PPP1R1A: variants seen among roughly 807,000 people sequenced by gnomAD.
PPP1R1A encodes the protein protein phosphatase 1 regulatory inhibitor subunit 1A, also known as protein phosphatase 1 regulatory subunit 1A.
PPP1R1A carries 18 observed loss-of-function variants against 23.9 expected under a neutral mutation model. The ratio of observed to expected loss-of-function variants is 0.75; its 90% CI spans 0.52 to 1.12. The LOEUF (loss-of-function observed/expected upper bound fraction) is 1.12, where lower values mean the gene tolerates loss of function less well. Among genes scored for constraint, PPP1R1A ranks in the 50% most tolerant of loss-of-function variants. PPP1R1A has a pLI of 0.00. For missense variants in PPP1R1A, 207 were observed against 223.8 expected, an observed-to-expected ratio of 0.92 and a Z score of 0.48; for synonymous variants, 84 against 80.7, an observed-to-expected ratio of 1.04 and a Z score of -0.22.
intron 2 of PPP1R1A, 121 bp downstream of exon 2, chr12:54,584,139 A>G: frequency 9.9e-7 from 1 of 1,014,526 alleles, no homozygotes; most frequent in South Asian, 1.4e-5. Context: ...TCCTGCCTTC[A>G]GTACTGAGGA....
chr12:54,588,323 G>T, intron 1 of PPP1R1A, 82 bp downstream of exon 1: 1 of 1,153,298 alleles, frequency 8.7e-7, no homozygotes, highest in Non-Finnish European at 1.2e-6. Context: ...GGAGGACTAG[G>T]CAGGGATCCT....
intron 2 of PPP1R1A, among the ~76,000 whole-genome samples, chr12:54,584,007 C>A (rs1400358327): frequency 6.6e-6 from 1 of 152,210 alleles, no homozygotes; most frequent in Non-Finnish European, 1.5e-5. Flanking sequence ...GTCGCAGCAA[C>A]CAGCACTCAG....
At chr12:54,582,703 G>T (rs1421609052) in intron 4 of PPP1R1A, 29 bp downstream of exon 4, 4 of 1,609,752 alleles carry the variant, frequency 2.5e-6, no homozygotes, top group African/African-American at 1.3e-5. Context: ...GCACAGAGGA[G>T]AAAAAGGGAT....
At chr12:54,586,838 G>GC (rs1248172466) in intron 1 of PPP1R1A, among the ~76,000 whole-genome samples, 2 of 152,060 alleles carry the variant, frequency 1.3e-5, no homozygotes, top group African/African-American at 4.8e-5. Flanking sequence ...CAGGTGTCGG[G>GC]CCCTGTCTGT....
At chr12:54,582,989 C>A (rs1533235) in intron 3 of PPP1R1A, among the ~76,000 whole-genome samples, 194 bp from the exon 4 acceptor site, 1 of 151,904 alleles carries the variant, frequency 6.6e-6, no homozygotes, top group Non-Finnish European at 1.5e-5. Flanking sequence ...CCCCAACCAC[C>A]TCGACAATGG....
Position 54,580,141 on chromosome 12 carries a change from G to T in PPP1R1A, c.*246C>A. On this transcript the variant is annotated 3_prime_UTR_variant, in exon 7 of 7. Transcript: ENST00000257905. ...CTTCCCTGCTCAAGGCTTCTGCCTA[G>T]CTCCTGTTTCTTCCTTCCCAGAGGC... is the stretch of plus-strand genomic sequence containing the variant. The T allele has an allele frequency of 7.5e-7, 1 of 1,329,376 alleles. No individual in the cohort carries two copies. Among genetic ancestry groups the T allele is most frequent in the East Asian group, 3.0e-5 (1 of 32,858 alleles). 82.3% of individuals were successfully genotyped at this position (1,329,376 alleles called of 1,614,324 possible).
chr12:54,587,732 T>C (rs1145001), intron 1 of PPP1R1A, among the ~76,000 whole-genome samples: 5,154 of 152,214 alleles, frequency 0.034, 299 homozygotes, highest in African/African-American at 0.12. Flanking sequence ...CAGTCCCACC[T>C]GGACTCCCCA....
At chr12:54,580,902 C>G (rs775813887) in intron 6 of PPP1R1A, 42 bp downstream of exon 6, 22 of 1,477,902 alleles carry the variant, frequency 1.5e-5, no homozygotes, top group Non-Finnish European at 1.9e-5. Flanking sequence ...ACAATATTAG[C>G]CTCCTCTCCT....
At chr12:54,583,349 C>T in intron 2 of PPP1R1A, 101 bp from the exon 3 acceptor site, 3 of 1,154,966 alleles carry the variant, frequency 2.6e-6, no homozygotes, top group African/African-American at 1.6e-5. Context: ...CATGCTCCTC[C>T]TGATCTGTCC....
chr12:54,588,390 C>G lies in PPP1R1A; in HGVS notation c.84+15G>C. ...TGGCTGGGCGAGTGCCCTGCCGCCC[C>G]GCCCTGCTCCGCACCTGCTCCGCCG... is the stretch of plus-strand genomic sequence containing the variant. On this transcript the variant is annotated intron_variant, in intron 1 of 6. Coordinates refer to ENST00000257905, the MANE Select transcript of PPP1R1A (RefSeq NM_006741.4). The G allele has an allele frequency of 6.7e-7, 1 of 1,492,988 alleles. No individual in the cohort carries two copies. The highest frequency in any genetic ancestry group is 2.2e-5 in the Admixed American group (1 of 45,366). 92.5% of individuals were successfully genotyped at this position (1,492,988 alleles called of 1,614,324 possible).
intron 1 of PPP1R1A, among the ~76,000 whole-genome samples, chr12:54,585,193 C>T (rs959710536): frequency 6.6e-6 from 1 of 152,206 alleles, no homozygotes; most frequent in African/African-American, 2.4e-5. Flanking sequence ...GGATACATTG[C>T]CTTTCTGATT....
chr12:54,588,256 A>AGGC, intron 1 of PPP1R1A, 149 bp downstream of exon 1: 1 of 180,666 alleles, frequency 5.5e-6, no homozygotes, highest in East Asian at 9.7e-5. Flanking sequence ...GGGACAGAAG[A>AGGC]CCCCCCCCCG....
At chr12:54,583,008 G>A (rs976776806) in intron 3 of PPP1R1A, among the ~76,000 whole-genome samples, 3 of 152,166 alleles carry the variant, frequency 2.0e-5, no homozygotes, top group African/African-American at 7.2e-5. Context: ...GGTGAGCAAG[G>A]AGACTGTGAG....
At chr12:54,584,144 T>C (rs556968853) in intron 2 of PPP1R1A, 116 bp downstream of exon 2, 10 of 1,069,360 alleles carry the variant, frequency 9.4e-6, no homozygotes, top group African/African-American at 7.9e-5. Flanking sequence ...CCTTCAGTAC[T>C]GAGGACATCC....
At position 54,579,876 on chromosome 12, in the gene PPP1R1A, TC is replaced by T; in HGVS notation, c.*510del. ...CATGGGCCAAGTGCCATGGTGCAGT[TC>T]CCCTTTTGTCCAGCAGATGGAGCCC... On this transcript the variant is annotated 3_prime_UTR_variant, in exon 7 of 7. Coordinates refer to ENST00000257905, the MANE Select transcript of PPP1R1A (RefSeq NM_006741.4). 3 of 986,188 alleles carry T rather than the reference TC, an allele frequency of 3.0e-6. No individual in the cohort carries two copies. The highest frequency in any genetic ancestry group is 1.7e-5 in the African/African-American group (1 of 57,294). 61.1% of individuals were successfully genotyped at this position (986,188 alleles called of 1,614,324 possible). A position where few individuals can be genotyped will look rare whatever the true frequency, so the allele number is the denominator to read the frequency against.
intron 2 of PPP1R1A, among the ~76,000 whole-genome samples, chr12:54,583,539 G>A (rs546083000): frequency 8.3e-4 from 127 of 152,302 alleles, no homozygotes; most frequent in Non-Finnish European, 1.5e-3. Context: ...AGGATCTGTA[G>A]TCTTTTTGCT....
Position 54,581,004 on chromosome 12 carries a change from T to C in PPP1R1A, c.450A>G (p.Glu150=). The C allele has an allele frequency of 6.2e-7, 1 of 1,613,958 alleles. No homozygotes were observed. Among genetic ancestry groups the C allele is most frequent in the Non-Finnish European group, 8.5e-7 (1 of 1,179,868 alleles). ...IPKTHERGSK[E]PSTKEPSTHI... is the part of the protein sequence containing the mutation. ...GGGTTGAGGGTTCTTTTGTGCTGGG[T>C]TCCTTACTGCCTCTCTCGTGAGTTT... The change falls in exon 6 of 7, where the codon GAA becomes GAG. Residue 150 remains glutamate, a synonymous_variant. Coordinates refer to ENST00000257905, the MANE Select transcript of PPP1R1A (RefSeq NM_006741.4). This position sits in a 1 kb window ranked among gnomAD's most constrained non-coding sequence, Gnocchi z 4.1.
chr12:54,582,800 G>GA lies in PPP1R1A; in HGVS notation c.184-6dup, dbSNP rs1191574870. 2 of 1,613,110 alleles carry GA rather than the reference G, an allele frequency of 1.2e-6. No individual in the cohort carries two copies. Among genetic ancestry groups the GA allele is most frequent in the Non-Finnish European group, 1.7e-6 (2 of 1,179,826 alleles). ...TGGAGACATTGCCAAAGTGGACTGT[G>GA]AAGGGCACAGAGCACAGATGGGCGC... On this transcript the variant is annotated splice_region_variant and splice_polypyrimidine_tract_variant and intron_variant, in intron 3 of 6. Coordinates refer to ENST00000257905, the MANE Select transcript of PPP1R1A (RefSeq NM_006741.4).
rs1389953690 is a variant in PPP1R1A at position 54,583,126 on chromosome 12, A to G, written c.183+85T>C. On this transcript the variant is annotated intron_variant, in intron 3 of 6. Coordinates refer to ENST00000257905, the MANE Select transcript of PPP1R1A (RefSeq NM_006741.4). Reference sequence around the variant, plus strand: ...GAAGCGGGAGTCAAAAAGATCCTAGAGATGGGCGGCAGGGTTTTAAGGAAT... The same window carrying G: ...GAAGCGGGAGTCAAAAAGATCCTAGGGATGGGCGGCAGGGTTTTAAGGAAT... 4 of 1,405,494 alleles carry G rather than the reference A, an allele frequency of 2.8e-6. No homozygotes were observed. In the Admixed American group the frequency reaches 1.0e-4, roughly 36 times the overall value. The allele number at this position is 1,405,494 out of a possible 1,614,324, so 87.1% of individuals were successfully genotyped here.
Sources: allele counts gnomAD v4.1 joint callset (sites outside exome capture counted in the v4.1 genomes callset), GRCh38; gene constraint gnomAD v4.1.1; non-coding constraint Gnocchi (gnomAD v3.1); transcripts MANE v1.5; gene names NCBI Gene and HGNC (gene_info 2026-07-23, HGNC 2026-07-21).